Variants in KIAA1217 observed in about 807,000 individuals in gnomAD.
KIAA1217 encodes KIAA1217.
In KIAA1217, 88 loss-of-function variants were observed where a neutral mutation model predicts 163.9. The observed-to-expected ratio is 0.54, with a 90% confidence interval of 0.45 to 0.64. KIAA1217 has a LOEUF of 0.64. Among genes scored for constraint, KIAA1217 ranks in the 30% least tolerant of loss-of-function variants. The pLI, the probability that KIAA1217 is intolerant of heterozygous loss-of-function variation, is 0.00. For missense variants in KIAA1217, 2,372 were observed against 2,475.0 expected (o/e 0.96, Z 0.88); for synonymous variants, 903 against 923.1 (o/e 0.98, Z 0.39).
intron 2 of KIAA1217, among the ~76,000 whole-genome samples, chr10:24,360,277 A>G (rs1190348515): frequency 1.3e-5 from 2 of 151,848 alleles, no homozygotes; most frequent in Non-Finnish European, 2.9e-5. Context: ...TGAACTCCTG[A>G]CCTCAAGTGA....
intron 3 of KIAA1217, among the ~76,000 whole-genome samples, chr10:24,413,639 A>G (rs1355322257): frequency 1.3e-5 from 2 of 151,944 alleles, no homozygotes; most frequent in Non-Finnish European, 2.9e-5. Flanking sequence ...CATCTCACTC[A>G]TTTCCCTCCA....
chr10:23,910,788 T>C lies in KIAA1217; in HGVS notation c.-320-96437T>C, dbSNP rs187504853. On this transcript the variant is annotated intron_variant, in intron 1 of 18. Coordinates refer to the KIAA1217 transcript ENST00000376462. ...TGGGGATGTCTGGCCCCGTAACACA[T>C]AAACAAGCTGGCCAAGAGGGAAATC... Among the ~76,000 whole-genome samples the C allele has an allele frequency of 3.1e-3, 475 of 152,174 alleles. 3 individuals carry two copies. The highest frequency in any genetic ancestry group is 5.5e-3 in the Non-Finnish European group (371 of 67,980).
chr10:24,258,039 G>A (rs1038693224), intron 2 of KIAA1217, among the ~76,000 whole-genome samples: 5 of 152,110 alleles, frequency 3.3e-5, no homozygotes, highest in South Asian at 2.1e-4. Context: ...TCTTTAGCCA[G>A]GGATAGTGGT....
At chr10:23,810,516 A>G (rs1318468526) in intron 1 of KIAA1217, among the ~76,000 whole-genome samples, 5 of 137,508 alleles carry the variant, frequency 3.6e-5, no homozygotes, top group Admixed American at 7.6e-5. Context: ...TATATACTAT[A>G]GATAATCTAT....
chr10:23,940,517 T>C (rs10828575), intron 1 of KIAA1217, among the ~76,000 whole-genome samples: 22,207 of 150,556 alleles, frequency 0.15, 3,533 homozygotes, highest in African/African-American at 0.4. Flanking sequence ...CAGCAGTTGT[T>C]ACTTAATCAT....
intron 6 of KIAA1217, among the ~76,000 whole-genome samples, chr10:24,490,777 C>A (rs1164130707): frequency 6.6e-6 from 1 of 152,150 alleles, no homozygotes; most frequent in East Asian, 1.9e-4. Context: ...TCTGAACTCT[C>A]CAGGGGGGAT....
intron 2 of KIAA1217, among the ~76,000 whole-genome samples, chr10:24,052,584 T>C (rs1351362562): frequency 9.6e-6 from 1 of 103,826 alleles, no homozygotes; most frequent in East Asian, 2.0e-4. Context: ...TTGTATTCAG[T>C]TCTTGGTGCT....
chr10:24,344,959 C>T (rs1230142828), intron 2 of KIAA1217, among the ~76,000 whole-genome samples: 8 of 152,128 alleles, frequency 5.3e-5, no homozygotes, highest in Non-Finnish European at 1.2e-4. Flanking sequence ...GTGGCTAATC[C>T]ATCATCAACT....
At chr10:24,462,283 G>T (rs983036041) in intron 5 of KIAA1217, among the ~76,000 whole-genome samples, 1 of 152,016 alleles carries the variant, frequency 6.6e-6, no homozygotes, top group Non-Finnish European at 1.5e-5. Context: ...TAAATCATTC[G>T]AGCCGAAGCC....
At position 23,923,928 on chromosome 10, in the gene KIAA1217, G is replaced by T. The variant is rs375435705; in HGVS notation, c.-320-83297G>T. 2.5e-4 allele frequency among the ~76,000 whole-genome samples: 38 copies of T among 152,224 alleles called. No homozygotes were observed. The South Asian group carries it at 7.3e-3, about 29-fold the overall frequency. On this transcript the variant is annotated intron_variant, in intron 1 of 18. Transcript: ENST00000376462. The stretch of plus-strand genomic sequence containing the variant: ...AGTGAAATTTAAAATGTAGGATTAG[G>T]AAGTAGCTTTCACGTTTACCTTTAT...
chr10:24,045,970 G>T (rs531681434), intron 2 of KIAA1217, among the ~76,000 whole-genome samples: 5 of 152,094 alleles, frequency 3.3e-5, no homozygotes, highest in Non-Finnish European at 7.4e-5. Flanking sequence ...TGAAGTGTAT[G>T]TGTTGATATA....
intron 1 of KIAA1217, among the ~76,000 whole-genome samples, chr10:24,210,410 C>T (rs1241082788): frequency 6.6e-6 from 1 of 152,156 alleles, no homozygotes; most frequent in Non-Finnish European, 1.5e-5. Context: ...CTCCTTCAGG[C>T]TACCGGGGTC....
At position 23,824,865 on chromosome 10, in the gene KIAA1217, G is replaced by T. The variant is rs1190930809; in HGVS notation, c.-321+129631G>T. On this transcript the variant is annotated intron_variant, in intron 1 of 18. Coordinates refer to the KIAA1217 transcript ENST00000376462. Reference sequence around the variant, plus strand: ...GCTCCAGATTACGCTAATTATCCTGGCATATTTACTAGTGGCATCCTTTTC... The same window carrying T: ...GCTCCAGATTACGCTAATTATCCTGTCATATTTACTAGTGGCATCCTTTTC... 2.6e-5 allele frequency among the ~76,000 whole-genome samples: 4 copies of T among 151,602 alleles called. No homozygotes were observed. In the East Asian group the frequency reaches 5.8e-4, roughly 22 times the overall value.
intron 2 of KIAA1217, chr10:24,239,352 T>A (rs903856567): frequency 4.2e-5 from 41 of 968,430 alleles, no homozygotes; most frequent in Non-Finnish European, 5.0e-5. Context: ...ATATGCGGGG[T>A]TTTTTTCTTC....
Position 24,476,070 on chromosome 10 carries a change from C to T in KIAA1217, c.1679+2010C>T, listed in dbSNP as rs148601734. On this transcript the variant is annotated intron_variant, in intron 6 of 20. Transcript: ENST00000376454. Reference sequence around the variant, plus strand: ...CATGACCATATTGAACTGTTTCCACCCCGGTTCTTGGATGATAAAAACCTG... The same window carrying T: ...CATGACCATATTGAACTGTTTCCACTCCGGTTCTTGGATGATAAAAACCTG... Among the ~76,000 whole-genome samples the T allele has an allele frequency of 8.2e-4, 125 of 152,240 alleles. 1 individual carries two copies. The highest frequency in any genetic ancestry group is 2.9e-3 in the African/African-American group (121 of 41,534).
chr10:24,390,073 G>T (rs56225489), intron 3 of KIAA1217, among the ~76,000 whole-genome samples: 78,438 of 152,016 alleles, frequency 0.52, 22,815 homozygotes, highest in African/African-American at 0.8. Flanking sequence ...TGAAGATTCA[G>T]CCCAGTGATT....
chr10:23,826,247 T>C (rs909290562), intron 1 of KIAA1217, among the ~76,000 whole-genome samples: 20 of 152,212 alleles, frequency 1.3e-4, no homozygotes, highest in Non-Finnish European at 8.8e-5. Context: ...ATAAAAATGC[T>C]TTTTAAAAAG....
intron 9 of KIAA1217, 61 bp from the exon 10 acceptor site, chr10:24,513,198 T>C: frequency 6.5e-7 from 1 of 1,547,134 alleles, no homozygotes; most frequent in East Asian, 2.2e-5. Flanking sequence ...CTTCAAGGCA[T>C]TCACTCGCCT....
chr10:24,146,559 G>A (rs1487989647), intron 2 of KIAA1217, among the ~76,000 whole-genome samples: 1 of 152,030 alleles, frequency 6.6e-6, no homozygotes, highest in African/African-American at 2.4e-5. Context: ...GGTGGAACAC[G>A]CCTGCAGTCC....
Sources: gnomAD v4.1 joint callset for allele counts (sites outside exome capture counted in the v4.1 genomes callset) on GRCh38, gnomAD v4.1.1 for gene constraint, MANE v1.5 for transcripts, NCBI Gene and HGNC (gene_info 2026-07-23, HGNC 2026-07-21) for gene names.